The following TLR7 variants were observed in gnomAD, a reference collection of about 807,000 sequenced individuals.
TLR7 encodes toll-like receptor 7.
A neutral mutation model predicts 38.3 loss-of-function variants in TLR7; 12 were observed. The observed-to-expected ratio is 0.31, with a 90% confidence interval of 0.20 to 0.51. The LOEUF is 0.51. Ranked by LOEUF, TLR7 falls within the 20% of genes least tolerant of loss-of-function variation. The probability of loss-of-function intolerance (pLI) is 0.98; values close to 1 mark genes in which losing one functional copy is unlikely to be tolerated. For missense variants in TLR7, 504 were observed against 743.4 expected (o/e 0.68, Z 3.74); for synonymous variants, 285 against 293.8 (o/e 0.97, Z 0.31).
chrX:12,882,107 A>G (rs189900188), intron 2 of TLR7, among the ~76,000 whole-genome samples: 1 of 111,879 alleles, frequency 8.9e-6, no homozygotes, highest in Admixed American at 9.5e-5. Context: ...AATGCAGAAC[A>G]GAAAACAGAC....
chrX:12,867,789 A>G (rs2042838878), intron 2 of TLR7, among the ~76,000 whole-genome samples: 1 of 112,648 alleles, frequency 8.9e-6, no homozygotes, highest in African/African-American at 3.2e-5. Context: ...AACTTCCTAC[A>G]AGAATTAAAT....
At chrX:12,881,594 T>C (rs1162188658) in intron 2 of TLR7, among the ~76,000 whole-genome samples, 1 of 109,144 alleles carries the variant, frequency 9.2e-6, no homozygotes, top group Non-Finnish European at 1.9e-5. Context: ...AGTTATTTAT[T>C]CTTTTTTTTT....
At chrX:12,873,847 C>T (rs986393862) in intron 2 of TLR7, among the ~76,000 whole-genome samples, 3 of 111,988 alleles carry the variant, frequency 2.7e-5, no homozygotes, top group Admixed American at 1.9e-4. Flanking sequence ...GTAGATCATG[C>T]ATAGCTTTTT....
chrX:12,890,011 TCA>T lies in TLR7; in HGVS notation c.*1354_*1355del, dbSNP rs1217214825. 5.3e-5 allele frequency: 6 copies of T among 112,922 alleles called. No homozygotes were observed. The highest frequency in any genetic ancestry group is 1.1e-4 in the Non-Finnish European group (6 of 53,428). 9.3% of individuals were successfully genotyped at this position (112,922 alleles called of 1,213,427 possible). On this transcript the variant is annotated 3_prime_UTR_variant, in exon 3 of 3. Coordinates refer to ENST00000380659, the MANE Select transcript of TLR7 (RefSeq NM_016562.4). The stretch of plus-strand genomic sequence containing the variant: ...AAGCTTCAGTTTTGAACTTCAGCTA[TCA>T]GATTCAAAAACAACAGAAAGAACCA...
At chrX:12,868,784 G>A (rs995938527) in intron 2 of TLR7, among the ~76,000 whole-genome samples, 11 of 111,380 alleles carry the variant, frequency 9.9e-5, no homozygotes, top group Admixed American at 1.9e-4. Context: ...CTCATTTTGT[G>A]TCAAAGTTCT....
At chrX:12,879,114 A>C (rs2042882926) in intron 2 of TLR7, among the ~76,000 whole-genome samples, 1 of 112,082 alleles carries the variant, frequency 8.9e-6, no homozygotes, top group African/African-American at 3.2e-5. Flanking sequence ...TGCTAAAAAC[A>C]GTAAGAAGCC....
At position 12,888,778 on chromosome X, in the gene TLR7, A is replaced by G; in HGVS notation, c.*120A>G. The G allele has an allele frequency of 2.4e-6, 2 of 847,441 alleles. No homozygotes were observed. Among genetic ancestry groups the G allele is most frequent in the Non-Finnish European group, 3.2e-6 (2 of 615,503 alleles). The allele number at this position is 847,441 out of a possible 1,213,427, so 69.8% of individuals were successfully genotyped here. A position where few individuals can be genotyped will look rare whatever the true frequency, so the allele number is the denominator to read the frequency against. ...AATTCTTCAAGAAATGAGATTGCCC[A>G]TATTTCAGGGGAGCCACCAACGTCT... On this transcript the variant is annotated 3_prime_UTR_variant, in exon 3 of 3. Coordinates refer to ENST00000380659, the MANE Select transcript of TLR7 (RefSeq NM_016562.4).
intron 2 of TLR7, among the ~76,000 whole-genome samples, chrX:12,870,503 A>T (rs948124021): frequency 3.6e-5 from 4 of 112,238 alleles, no homozygotes; most frequent in Non-Finnish European, 5.6e-5. Context: ...CTGTACTAAA[A>T]TTAAAAATCA....
intron 2 of TLR7, among the ~76,000 whole-genome samples, chrX:12,881,973 T>C (rs762488483): frequency 1.8e-5 from 2 of 111,767 alleles, no homozygotes; most frequent in African/African-American, 6.5e-5. Flanking sequence ...TCTCTGAGGA[T>C]GTGTCACTTG....
intron 1 of TLR7, 46 bp from the exon 2 acceptor site, chrX:12,867,435 G>A: frequency 1.9e-6 from 1 of 521,331 alleles, no homozygotes; most frequent in Non-Finnish European, 3.3e-6. Flanking sequence ...CTACAGTATT[G>A]TGCTGTCTTT....
Position 12,886,065 on chromosome X carries a change from G to A in TLR7, c.557G>A (p.Arg186Gln), listed in dbSNP as rs868177091. 7 of 1,209,229 alleles carry A rather than the reference G, an allele frequency of 5.8e-6. No individual in the cohort carries two copies. Among genetic ancestry groups the A allele is most frequent in the South Asian group, 1.8e-5 (1 of 56,820 alleles). The change falls in exon 3 of 3, where the codon CGA becomes CAA. Residue 186 changes from arginine (R) to glutamine (Q), a missense_variant. Arg to Gln is a conservative substitution (Grantham distance 43). Transcript: ENST00000380659. ...ILYLGQNCYYRNPCYVSYSIE... is the reference protein window; with the variant it reads ...ILYLGQNCYYQNPCYVSYSIE... Reference sequence around the variant, plus strand: ...TACCTGGGCCAAAACTGTTATTATCGAAATCCTTGTTATGTTTCATATTCA... The same window carrying A: ...TACCTGGGCCAAAACTGTTATTATCAAAATCCTTGTTATGTTTCATATTCA...
At chrX:12,884,111 C>A (rs1048300772) in intron 2 of TLR7, among the ~76,000 whole-genome samples, 1 of 111,358 alleles carries the variant, frequency 9.0e-6, no homozygotes, top group Admixed American at 9.5e-5. Flanking sequence ...TCCCGAGTAG[C>A]TGAACTACAG....
chrX:12,867,697 A>G (rs1359608220), intron 2 of TLR7, 116 bp downstream of exon 2: 3 of 720,595 alleles, frequency 4.2e-6, no homozygotes, highest in East Asian at 3.3e-5. Context: ...TTGCTGGGGG[A>G]AAGTGCTTCC....
At chrX:12,869,047 A>G (rs1223800278) in intron 2 of TLR7, among the ~76,000 whole-genome samples, 1 of 111,557 alleles carries the variant, frequency 9.0e-6, no homozygotes, top group African/African-American at 3.3e-5. Context: ...AGAGATAACG[A>G]AACTGGGGCT....
chrX:12,887,312 A>G lies in TLR7; in HGVS notation c.1804A>G (p.Met602Val). ...TKNLKVLQKL[M>V]MNDNDISSST... ...GAACCTAAAGGTTCTGCAGAAACTG[A>G]TGATGAACGACAATGACATCTCTTC... Residue 602 changes from methionine (M) to valine (V), a missense_variant, in exon 3 of 3, where the codon ATG (methionine) becomes GTG (valine). Transcript: ENST00000380659. The G allele has an allele frequency of 8.3e-7, 1 of 1,211,927 alleles. No homozygotes were observed. Among genetic ancestry groups the G allele is most frequent in the South Asian group, 1.8e-5 (1 of 57,007 alleles).
At chrX:12,875,674 A>C (rs179017) in intron 2 of TLR7, among the ~76,000 whole-genome samples, 6,495 of 111,354 alleles carry the variant, frequency 0.058, 219 homozygotes, top group Non-Finnish European at 0.091. Flanking sequence ...CATAAACGGC[A>C]GTTCCCCTGC....
intron 2 of TLR7, among the ~76,000 whole-genome samples, chrX:12,870,714 A>G (rs1216916485): frequency 9.0e-6 from 1 of 111,536 alleles, no homozygotes; most frequent in East Asian, 2.8e-4. Context: ...CAAAATTACT[A>G]TTTTGTGACA....
intron 2 of TLR7, among the ~76,000 whole-genome samples, chrX:12,879,406 C>G (rs1470362275): frequency 1.8e-5 from 2 of 112,038 alleles, no homozygotes; most frequent in African/African-American, 3.2e-5. Context: ...AATAGAAAAT[C>G]CAATTGACAT....
intron 2 of TLR7, among the ~76,000 whole-genome samples, chrX:12,885,140 T>C (rs1404967895): frequency 8.9e-6 from 1 of 112,606 alleles, no homozygotes. Context: ...CTTCATGTGT[T>C]ATTTTTCATG....
Sources: gnomAD v4.1 joint callset for allele counts (sites outside exome capture counted in the v4.1 genomes callset) on GRCh38, gnomAD v4.1.1 for gene constraint, MANE v1.5 for transcripts, NCBI Gene and HGNC (gene_info 2026-07-23, HGNC 2026-07-21) for gene names.